TEX11: variants seen among roughly 807,000 people sequenced by gnomAD.
The protein encoded by TEX11 is testis expressed 11.
A neutral mutation model predicts 84.4 loss-of-function variants in TEX11; 7 were observed. The observed-to-expected ratio is 0.08, with a 90% CI of 0.05 to 0.16. The LOEUF (loss-of-function observed/expected upper bound fraction) is 0.16. Among genes scored for constraint, TEX11 ranks in the 10% least tolerant of loss-of-function variants. The pLI is 1.00. For missense variants in TEX11, 551 were observed against 660.5 expected, an observed-to-expected ratio of 0.83 and a Z score of 1.82; for synonymous variants, 264 against 222.8, an observed-to-expected ratio of 1.18 and a Z score of -1.64.
intron 28 of TEX11, among the ~76,000 whole-genome samples, chrX:70,530,274 C>T (rs762493024): frequency 1.8e-5 from 2 of 111,689 alleles, no homozygotes; most frequent in African/African-American, 6.5e-5. Context: ...TCCTGAGGCA[C>T]GAGAAAAACT....
At chrX:70,858,980 G>C (rs1055297164) in intron 5 of TEX11, among the ~76,000 whole-genome samples, 1 of 110,934 alleles carries the variant, frequency 9.0e-6, no homozygotes, top group African/African-American at 3.3e-5. Context: ...AGGGGTTACA[G>C]TGAGCTGAGA....
At chrX:70,560,233 C>T (rs1236583959) in intron 25 of TEX11, among the ~76,000 whole-genome samples, 7 of 109,682 alleles carry the variant, frequency 6.4e-5, no homozygotes, top group Non-Finnish European at 1.3e-4. Flanking sequence ...TGACCGTGAC[C>T]TCCGCTTCCC....
the TEX11 span, among the ~76,000 whole-genome samples, chrX:70,521,381 C>T: frequency 3.6e-5 from 4 of 110,146 alleles, no homozygotes; most frequent in Admixed American, 9.7e-5. Flanking sequence ...CATGTTCACA[C>T]GATTCTCCTG....
At chrX:70,854,843 C>T (rs1458815805) in intron 5 of TEX11, among the ~76,000 whole-genome samples, 1 of 107,409 alleles carries the variant, frequency 9.3e-6, no homozygotes, top group East Asian at 2.9e-4. Context: ...CTCAGGAGTT[C>T]GAGACCAGCC....
At chrX:70,519,778 A>G in the TEX11 span, among the ~76,000 whole-genome samples, 1 of 111,314 alleles carries the variant, frequency 9.0e-6, no homozygotes, top group African/African-American at 3.3e-5. Flanking sequence ...TGGTTTTTTC[A>G]CATAGTCCCA....
At chrX:70,523,622 C>A in the TEX11 span, among the ~76,000 whole-genome samples, 2 of 109,698 alleles carry the variant, frequency 1.8e-5, no homozygotes, top group African/African-American at 6.7e-5. Context: ...CACCACCACA[C>A]CTGGCTAATT....
intron 25 of TEX11, among the ~76,000 whole-genome samples, chrX:70,587,478 A>G (rs1365344748): frequency 8.9e-6 from 1 of 112,761 alleles, no homozygotes; most frequent in African/African-American, 3.2e-5. Flanking sequence ...TGCAAGCCCC[A>G]AGCCTTGGTG....
At chrX:70,843,653 C>T (rs2091461142) in intron 7 of TEX11, among the ~76,000 whole-genome samples, 1 of 111,458 alleles carries the variant, frequency 9.0e-6, no homozygotes, top group Admixed American at 9.6e-5. Flanking sequence ...AAAGGAACTA[C>T]CATCAGAGTG....
chrX:70,772,529 C>T (rs1458188985), intron 9 of TEX11, among the ~76,000 whole-genome samples: 2 of 111,097 alleles, frequency 1.8e-5, no homozygotes, highest in African/African-American at 6.6e-5. Context: ...GAGTCGTGAT[C>T]ACAACACTGC....
chrX:70,624,988 T>C (rs2089434913), intron 18 of TEX11, 64 bp from the exon 19 acceptor site: 2 of 790,779 alleles, frequency 2.5e-6, no homozygotes, highest in Admixed American at 2.8e-5. Context: ...ATATTATCTA[T>C]ATTCCTGTTC....
rs149485870 is a variant in TEX11 at position 70,549,177 on chromosome X, T to A, written c.2520+2949A>T. Among the ~76,000 whole-genome samples the A allele has an allele frequency of 3.8e-3, 426 of 111,346 alleles. 2 individuals carry two copies. The highest frequency in any genetic ancestry group is 0.014 in the African/African-American group (415 of 30,696). On this transcript the variant is annotated intron_variant, in intron 28 of 29. Coordinates refer to ENST00000374333, the MANE Select transcript of TEX11 (RefSeq NM_031276.3). ...ACACCTCGGGCTAAAAGGTACCCAC[T>A]GCCTTGAAGGGAAGGACCCAGTCTC... is the stretch of plus-strand genomic sequence containing the variant.
At chrX:70,857,590 T>C in intron 5 of TEX11, 1 of 271,952 alleles carries the variant, frequency 3.7e-6, no homozygotes, top group Non-Finnish European at 6.9e-6. Context: ...TATCTCAAAA[T>C]GGTTCAAGTG....
chrX:70,649,727 T>C (rs1372589864), intron 17 of TEX11, among the ~76,000 whole-genome samples: 3 of 111,183 alleles, frequency 2.7e-5, no homozygotes, highest in Non-Finnish European at 3.8e-5. Context: ...TGAGCTGAGA[T>C]CATGCCACTG....
chrX:70,841,288 C>T (rs1326387398), intron 7 of TEX11, among the ~76,000 whole-genome samples: 7 of 111,106 alleles, frequency 6.3e-5, no homozygotes, highest in Non-Finnish European at 1.1e-4. Flanking sequence ...GTCTCTCAGA[C>T]CACAGTGCAA....
At chrX:70,759,139 CA>C (rs2090890246) in intron 9 of TEX11, among the ~76,000 whole-genome samples, 2 of 111,055 alleles carry the variant, frequency 1.8e-5, no homozygotes, top group Non-Finnish European at 3.8e-5. Context: ...GCCTACCAAC[CA>C]AAAAAAGTCC....
At chrX:70,571,599 G>A (rs2088599670) in intron 25 of TEX11, among the ~76,000 whole-genome samples, 1 of 111,697 alleles carries the variant, frequency 9.0e-6, no homozygotes, top group South Asian at 3.7e-4. Context: ...TTTGACTGAT[G>A]GGTTATTTAG....
At chrX:70,714,217 T>C (rs2090471909) in intron 13 of TEX11, among the ~76,000 whole-genome samples, 1 of 110,889 alleles carries the variant, frequency 9.0e-6, no homozygotes, top group African/African-American at 3.3e-5. Context: ...TCCAAGTATG[T>C]GGTCAATTTT....
chrX:70,671,910 T>TATATATATATATATATACAC (rs57166359), intron 15 of TEX11, among the ~76,000 whole-genome samples: 196 of 67,799 alleles, frequency 2.9e-3, no homozygotes, highest in Non-Finnish European at 3.3e-3. Flanking sequence ...TATATATATA[T>TATATATATATATATATACAC]ACACACACAC....
chrX:70,665,331 G>C (rs1048045889), intron 16 of TEX11, among the ~76,000 whole-genome samples: 1 of 111,252 alleles, frequency 9.0e-6, no homozygotes, highest in Non-Finnish European at 1.9e-5. Context: ...TTATATCAAG[G>C]TGTGATAAAC....
Sources: allele counts gnomAD v4.1 joint callset (sites outside exome capture counted in the v4.1 genomes callset), GRCh38; gene constraint gnomAD v4.1.1; transcripts MANE v1.5; gene names NCBI Gene and HGNC (gene_info 2026-07-23, HGNC 2026-07-21).